SOST: variants seen among roughly 807,000 people sequenced by gnomAD.
SOST encodes sclerosteosis.
Under a neutral mutation model 16.7 loss-of-function variants are expected in SOST, and 14 were observed. That is an observed-to-expected ratio of 0.84 (90% confidence interval 0.55 to 1.31). The LOEUF (loss-of-function observed/expected upper bound fraction) is 1.31, where lower values mean the gene tolerates loss of function less well. Ranked by LOEUF, SOST falls within the 50% of genes most tolerant of loss-of-function variation. The pLI is 0.00. For missense variants in SOST, 291 were observed against 310.7 expected, an observed-to-expected ratio of 0.94 and a Z score of 0.48; for synonymous variants, 150 against 140.9, an observed-to-expected ratio of 1.06 and a Z score of -0.46.
At chr17:43,758,422 A>G (rs998085143) in intron 1 of SOST, 100 bp downstream of exon 1, 13 of 971,162 alleles carry the variant, frequency 1.3e-5, no homozygotes, top group African/African-American at 1.3e-4. Flanking sequence ...GAGGCCAGCA[A>G]TCTTCACTGG....
chr17:43,758,401 C>A, intron 1 of SOST, 121 bp downstream of exon 1: 1 of 786,618 alleles, frequency 1.3e-6, no homozygotes, highest in Non-Finnish European at 2.1e-6. Flanking sequence ...GTTCCTCGAC[C>A]AGTGCTGGCA....
rs141856582 is a variant in SOST at position 43,758,569 on chromosome 17, C to T, written c.173G>A (p.Arg58Gln). 8.7e-6 allele frequency: 14 copies of T among 1,614,160 alleles called. No individual in the cohort carries two copies. Among genetic ancestry groups the T allele is most frequent in the Non-Finnish European group, 1.0e-5 (12 of 1,180,032 alleles). Residue 58 changes from arginine (R) to glutamine (Q), a missense_variant, in exon 1 of 2, where the codon CGG (arginine) becomes CAG (glutamine). Physicochemically the swap from Arg to Gln is conservative, Grantham distance 43 (BLOSUM62 1). Coordinates refer to ENST00000301691, the MANE Select transcript of SOST (RefSeq NM_025237.3). ...PELENNKTMN[R>Q]AENGGRPPHH... ...GGGAGGCCGCCCTCCGTTCTCCGCC[C>T]GGTTCATGGTCTTGTTGTTCTCCAG... is the stretch of plus-strand genomic sequence containing the variant.
Position 43,755,829 on chromosome 17 carries a change from C to T in SOST, c.221-66G>A, listed in dbSNP as rs906509527. 1.1e-5 allele frequency: 17 copies of T among 1,507,866 alleles called. No homozygotes were observed. Among genetic ancestry groups the T allele is most frequent in the Admixed American group, 2.0e-5 (1 of 49,674 alleles). The allele number at this position is 1,507,866 out of a possible 1,614,324, so 93.4% of individuals were successfully genotyped here. A position where few individuals can be genotyped will look rare whatever the true frequency, so the allele number is the denominator to read the frequency against. On this transcript the variant is annotated intron_variant, in intron 1 of 1. Coordinates refer to ENST00000301691, the MANE Select transcript of SOST (RefSeq NM_025237.3). The surrounding 1 kb of genome is among the most constrained non-coding windows in gnomAD (Gnocchi z 4.3). ...CCACCCCTGCCCTGGACCGGCCCGT[C>T]TCTCTCCACCCCAGCCCTGCTTTTG...
At chr17:43,757,335 C>A (rs564636896) in intron 1 of SOST, among the ~76,000 whole-genome samples, 1 of 152,190 alleles carries the variant, frequency 6.6e-6, no homozygotes. Flanking sequence ...GCCCAGCTGA[C>A]CTTGCCTAGA....
rs773894662 is a variant in SOST at position 43,755,600 on chromosome 17, A to C, written c.384T>G (p.Ser128Arg). ...AIGRGKWWRP[S>R]GPDFRCIPDR... ...CGGGGATGCAGCGGAAGTCGGGCCC[A>C]CTAGGTCGCCACCACTTGCCGCGGC... The change falls in exon 2 of 2, where the codon AGT becomes AGG. Residue 128 changes from serine (S) to arginine (R), a missense_variant. Transcript: ENST00000301691. The surrounding 1 kb of genome is among the most constrained non-coding windows in gnomAD (Gnocchi z 4.3). The C allele has an allele frequency of 6.3e-7, 1 of 1,589,752 alleles. No individual in the cohort carries two copies. Among genetic ancestry groups the C allele is most frequent in the Non-Finnish European group, 8.5e-7 (1 of 1,174,408 alleles).
rs532021059 is a variant in SOST, at chr17:43,757,357, G to T, written c.220+1165C>A. On this transcript the variant is annotated intron_variant, in intron 1 of 1. Transcript: ENST00000301691. ...TGACCTTGCCTAGAAGGGGAGCTGTGGGGGGAGGCGCCCTTGTCCTCCATT... is the reference window on the plus strand; with the variant it reads ...TGACCTTGCCTAGAAGGGGAGCTGTTGGGGGAGGCGCCCTTGTCCTCCATT... 1.1e-4 allele frequency among the ~76,000 whole-genome samples: 17 copies of T among 152,164 alleles called. 1 individual carries two copies. Among genetic ancestry groups the T allele is most frequent in the Non-Finnish European group, 1.8e-4 (12 of 68,028 alleles).
rs1567777665 is a variant in SOST, at chr17:43,758,580, C to T, written c.162G>A (p.Lys54=). The change falls in exon 1 of 2, where the codon AAG becomes AAA. Residue 54 remains lysine (K), a synonymous_variant. Transcript: ENST00000301691. ...PEPPPELENN[K]TMNRAENGGR... ...CTCCGTTCTCCGCCCGGTTCATGGTCTTGTTGTTCTCCAGCTCCGGTGGAG... is the reference window on the plus strand; with the variant it reads ...CTCCGTTCTCCGCCCGGTTCATGGTTTTGTTGTTCTCCAGCTCCGGTGGAG... 6.2e-7 allele frequency: 1 copy of T among 1,614,188 alleles called. No individual in the cohort carries two copies.
Position 43,755,478 on chromosome 17 carries a change from C to G in SOST, c.506G>C (p.Arg169Pro), listed in dbSNP as rs138163431. The change falls in exon 2 of 2, where the codon CGC becomes CCC. Residue 169 changes from arginine to proline, a missense_variant. By Grantham distance (103) the Arg-to-Pro change is moderately radical. Coordinates refer to ENST00000301691, the MANE Select transcript of SOST (RefSeq NM_025237.3). This position sits in a 1 kb window ranked among gnomAD's most constrained non-coding sequence, Gnocchi z 4.3. ...VRLVASCKCK[R>P]LTRFHNQSEL... ...CGACTGGTTGTGGAAGCGGGTGAGG[C>G]GCTTGCACTTGCACGAGGCCACCAG... 37 of 1,597,348 alleles carry G rather than the reference C, an allele frequency of 2.3e-5. No individual in the cohort carries two copies. Among genetic ancestry groups the G allele is most frequent in the Non-Finnish European group, 3.1e-5 (36 of 1,178,734 alleles).
rs1974098550 is a variant in SOST, at chr17:43,753,973, T to C, written c.*1369A>G. ...GACCAGTCCTGCAGGCTTTCATATG[T>C]CATGTGCTTCTGTTTAAAACTTTTT... is the stretch of plus-strand genomic sequence containing the variant. On this transcript the variant is annotated 3_prime_UTR_variant, in exon 2 of 2. Coordinates refer to ENST00000301691, the MANE Select transcript of SOST (RefSeq NM_025237.3). 6.6e-6 allele frequency: 1 copy of C among 152,500 alleles called. No individual in the cohort carries two copies. The highest frequency in any genetic ancestry group is 2.4e-5 in the African/African-American group (1 of 41,306). The allele number at this position is 152,500 out of a possible 1,614,324, so 9.4% of individuals were successfully genotyped here.
At position 43,754,075 on chromosome 17, in the gene SOST, G is replaced by GC. The variant is rs17881550; in HGVS notation, c.*1266_*1267insG. 76,006 of 151,964 alleles carry GC rather than the reference G, an allele frequency of 0.5. 19,622 individuals carry two copies. Among genetic ancestry groups the GC allele is most frequent in the African/African-American group, 0.63 (26,141 of 41,388 alleles). The allele number at this position is 151,964 out of a possible 1,614,324, so 9.4% of individuals were successfully genotyped here. On this transcript the variant is annotated 3_prime_UTR_variant, in exon 2 of 2. Transcript: ENST00000301691. ...TTTTCAAAAAGATTTTTGGGTGGCAGTATTATGCTCTGCAGTTTCTCAGCA... is the reference window on the plus strand; with the variant it reads ...TTTTCAAAAAGATTTTTGGGTGGCAGCTATTATGCTCTGCAGTTTCTCAGCA...
At chr17:43,757,684 G>A (rs1031449848) in intron 1 of SOST, among the ~76,000 whole-genome samples, 1 of 152,178 alleles carries the variant, frequency 6.6e-6, no homozygotes, top group Non-Finnish European at 1.5e-5. Flanking sequence ...CCTGGAATGA[G>A]GCAAGGTTGG....
At chr17:43,757,695 G>A (rs1270316654) in intron 1 of SOST, among the ~76,000 whole-genome samples, 2 of 152,150 alleles carry the variant, frequency 1.3e-5, no homozygotes, top group African/African-American at 4.8e-5. Context: ...GCAAGGTTGG[G>A]ACTGGGGTGG....
intron 1 of SOST, among the ~76,000 whole-genome samples, chr17:43,756,338 T>C (rs1028588433): frequency 1.3e-5 from 2 of 151,906 alleles, no homozygotes; most frequent in African/African-American, 4.8e-5. Flanking sequence ...TAGAGGTTAA[T>C]TGAAGGTAAT....
rs1015677268 is a variant in SOST, at chr17:43,755,181, C to T, written c.*161G>A. On this transcript the variant is annotated 3_prime_UTR_variant, in exon 2 of 2. Coordinates refer to ENST00000301691, the MANE Select transcript of SOST (RefSeq NM_025237.3). The surrounding 1 kb of genome is among the most constrained non-coding windows in gnomAD (Gnocchi z 4.3). ...GGCGGGCTGAGGGGGGCCTTGCCGG[C>T]GCCCGGGATTCCTCAGGGCCTGGAA... 10 of 687,918 alleles carry T rather than the reference C, an allele frequency of 1.5e-5. No individual in the cohort carries two copies. In the Admixed American group the frequency reaches 2.7e-4, roughly 19 times the overall value. 42.6% of individuals were successfully genotyped at this position (687,918 alleles called of 1,614,324 possible).
At chr17:43,756,514 C>T (rs1489404214) in intron 1 of SOST, among the ~76,000 whole-genome samples, 2 of 152,188 alleles carry the variant, frequency 1.3e-5, no homozygotes, top group Admixed American at 6.5e-5. Context: ...GGCTGGGCTG[C>T]ATCTCCGGAC....
rs1351952391 is a variant in SOST at position 43,754,510 on chromosome 17, G to C, written c.*832C>G. 6.6e-6 allele frequency: 1 copy of C among 152,226 alleles called. No individual in the cohort carries two copies. Among genetic ancestry groups the C allele is most frequent in the South Asian group, 2.1e-4 (1 of 4,822 alleles). The allele number at this position is 152,226 out of a possible 1,614,324, so 9.4% of individuals were successfully genotyped here. ...ACATCCGGGGAAGCCAGGCTGGGAA[G>C]CAGCATAGCTTCTTCCAGGAGTTTG... On this transcript the variant is annotated 3_prime_UTR_variant, in exon 2 of 2. Transcript: ENST00000301691.
In SOST at chr17:43,755,123, A is replaced by G. The variant is rs1017350702; in HGVS notation, c.*219T>C. The G allele has an allele frequency of 2.7e-5, 14 of 515,746 alleles. No homozygotes were observed. The highest frequency in any genetic ancestry group is 2.4e-4 in the African/African-American group (12 of 49,108). 31.9% of individuals were successfully genotyped at this position (515,746 alleles called of 1,614,324 possible). A position where few individuals can be genotyped will look rare whatever the true frequency, so the allele number is the denominator to read the frequency against. ...CGTGGCTCAGTGTCTGTGACTCTCA[A>G]TTCCCTCCCCTGCCCCGTGGGACCC... On this transcript the variant is annotated 3_prime_UTR_variant, in exon 2 of 2. Coordinates refer to ENST00000301691, the MANE Select transcript of SOST (RefSeq NM_025237.3). The surrounding 1 kb of genome is among the most constrained non-coding windows in gnomAD (Gnocchi z 4.3).
rs779517966 is a variant in SOST at position 43,758,610 on chromosome 17, G to A, written c.132C>T (p.Pro44=). 8.2e-5 allele frequency: 132 copies of A among 1,613,988 alleles called. No homozygotes were observed. The Admixed American group carries it at 1.6e-3, about 19-fold the overall frequency. The change falls in exon 1 of 2, where the codon CCC becomes CCT. Residue 44 remains proline, a synonymous_variant. Transcript: ENST00000301691. ...TEIIPELGEY[P]EPPPELENNK... ...TGTTCTCCAGCTCCGGTGGAGGCTC[G>A]GGGTACTCTCCGAGCTCGGGGATGA... is the stretch of plus-strand genomic sequence containing the variant.
Position 43,755,569 on chromosome 17 carries a change from A to G in SOST, c.415T>C (p.Tyr139His), listed in dbSNP as rs1974119665. The stretch of plus-strand genomic sequence containing the variant: ...AGCAGCTGCACGCGCTGCGCGCGGT[A>G]GCGGTCGGGGATGCAGCGGAAGTCG... Reference protein sequence around the residue: ...GPDFRCIPDRYRAQRVQLLCP... With the variant: ...GPDFRCIPDRHRAQRVQLLCP... The change falls in exon 2 of 2, where the codon TAC becomes CAC. Residue 139 changes from tyrosine (Y) to histidine (H), a missense_variant. Transcript: ENST00000301691. This position sits in a 1 kb window ranked among gnomAD's most constrained non-coding sequence, Gnocchi z 4.3. 1 of 1,594,152 alleles carries G rather than the reference A, an allele frequency of 6.3e-7. No homozygotes were observed. Among genetic ancestry groups the G allele is most frequent in the Non-Finnish European group, 8.5e-7 (1 of 1,176,000 alleles).
Sources: allele counts gnomAD v4.1 joint callset (sites outside exome capture counted in the v4.1 genomes callset), GRCh38; gene constraint gnomAD v4.1.1; non-coding constraint Gnocchi (gnomAD v3.1); transcripts MANE v1.5; gene names NCBI Gene and HGNC (gene_info 2026-07-23, HGNC 2026-07-21).